Variants in SLC26A6 observed in about 807,000 individuals in gnomAD.
SLC26A6 encodes the protein solute carrier family 26 member 6, also known as anion exchange transporter.
Under a neutral mutation model 87.1 loss-of-function variants are expected in SLC26A6, and 67 were observed. The ratio of observed to expected loss-of-function variants is 0.77; its 90% CI spans 0.63 to 0.94. SLC26A6 has a LOEUF of 0.94. SLC26A6 is among the 40% of genes least tolerant of loss of function. SLC26A6 has a pLI of 0.00. For missense variants in SLC26A6, 902 were observed against 973.0 expected (o/e 0.93, Z 0.97); for synonymous variants, 414 against 405.9 (o/e 1.02, Z -0.24).
intron 14 of SLC26A6, 100 bp downstream of exon 14, chr3:48,629,542 C>T (rs1388047136): frequency 3.0e-6 from 4 of 1,319,422 alleles, no homozygotes; most frequent in Non-Finnish European, 4.2e-6. Context: ...AAAGTATCCT[C>T]AGCCCCCAGT....
chr3:48,635,193 C>T (rs2106683072), intron 1 of SLC26A6, among the ~76,000 whole-genome samples, 178 bp downstream of exon 1: 1 of 152,336 alleles, frequency 6.6e-6, no homozygotes, highest in East Asian at 1.9e-4. Context: ...ACTGGGGTCG[C>T]GCCGGCTCCC....
chr3:48,626,857 G>A lies in SLC26A6; in HGVS notation c.2073+19C>T, dbSNP rs1344087458. On this transcript the variant is annotated intron_variant, in intron 18 of 20. Transcript: ENST00000395550. ...TCAGTGTGGAAGCTCGAGGGGCCTT[G>A]GCCTGCCCCCGTCCTTACATTCTTC... 5 of 1,609,986 alleles carry A rather than the reference G, an allele frequency of 3.1e-6. No homozygotes were observed. The highest frequency in any genetic ancestry group is 4.2e-6 in the Non-Finnish European group (5 of 1,177,964).
At chr3:48,632,721 C>G in intron 4 of SLC26A6, 2 of 681,488 alleles carry the variant, frequency 2.9e-6, no homozygotes, top group Admixed American at 2.1e-5. Flanking sequence ...AGGCCTCTGC[C>G]AAGTTCCAGG....
rs1417838476 is a variant in SLC26A6, at chr3:48,635,430, C to T, written c.-37G>A. On this transcript the variant is annotated 5_prime_UTR_variant, in exon 1 of 21. Transcript: ENST00000395550. ...TGTCCGGTGCGGGCTGCTCCTGCTG[C>T]TCGAGCTAGAGGCCGCTACGCTCCG... 1.9e-6 allele frequency: 3 copies of T among 1,565,870 alleles called. No individual in the cohort carries two copies. Among genetic ancestry groups the T allele is most frequent in the Non-Finnish European group, 2.6e-6 (3 of 1,157,176 alleles).
In SLC26A6 at chr3:48,628,002, C is replaced by A. The variant is rs765705754; in HGVS notation, c.1837G>T (p.Val613Phe). The change falls in exon 17 of 21, where the codon GTC becomes TTC. Residue 613 changes from valine (V) to phenylalanine (F), a missense_variant. Coordinates refer to ENST00000395550, the MANE Select transcript of SLC26A6 (RefSeq NM_022911.3). The surrounding 1 kb of genome is among the most constrained non-coding windows in gnomAD (Gnocchi z 4.4). Reference protein sequence around the residue: ...SPKGASVSINVNTSLEDMRSN... With the variant: ...SPKGASVSINFNTSLEDMRSN... ...CTCATGTCTTCAAGGCTGGTGTTGA[C>A]ATTAATGGAAACTGAGGCGCCCTTG... 1.3e-6 allele frequency: 2 copies of A among 1,592,152 alleles called. No individual in the cohort carries two copies. Among genetic ancestry groups the A allele is most frequent in the Non-Finnish European group, 1.7e-6 (2 of 1,173,254 alleles).
In SLC26A6 at chr3:48,631,042, A is replaced by G. The variant is rs748392303; in HGVS notation, c.1085T>C (p.Leu362Pro). The G allele has an allele frequency of 6.2e-7, 1 of 1,613,838 alleles. No individual in the cohort carries two copies. Among genetic ancestry groups the G allele is most frequent in the Admixed American group, 1.7e-5 (1 of 60,036 alleles). Residue 362 changes from leucine (L) to proline (P), a missense_variant, in exon 9 of 21, where the codon CTG (leucine) becomes CCG (proline). Leu to Pro is a moderately conservative substitution (Grantham distance 98, BLOSUM62 -3). Around this residue, in one of 3 missense-constraint regions of SLC26A6, gnomAD observed 800 missense variants for 856.8 expected, o/e 0.93. Transcript: ENST00000395550. ...AVVGFAIAIS[L>P]GKIFALRHGY... ...GTGCCTCAGGGCGAAGATCTTCCCC[A>G]GTGAGATGGCAATGGCAAACCCAAC...
In SLC26A6 at chr3:48,628,723, G is replaced by A; in HGVS notation, c.1600-9C>T. 6.2e-7 allele frequency: 1 copy of A among 1,612,516 alleles called. No individual in the cohort carries two copies. Among genetic ancestry groups the A allele is most frequent in the Non-Finnish European group, 8.5e-7 (1 of 1,179,424 alleles). ...CCCCGGACTTCCTTGGCCTGGGGAT[G>A]AGGCAGAACTGGTGGTGGCTGAATC... is the stretch of plus-strand genomic sequence containing the variant. On this transcript the variant is annotated splice_polypyrimidine_tract_variant and intron_variant, in intron 14 of 20. Coordinates refer to ENST00000395550, the MANE Select transcript of SLC26A6 (RefSeq NM_022911.3). This position sits in a 1 kb window ranked among gnomAD's most constrained non-coding sequence, Gnocchi z 4.4.
At chr3:48,635,187 G>A (rs966615416) in intron 1 of SLC26A6, among the ~76,000 whole-genome samples, 184 bp downstream of exon 1, 3 of 152,234 alleles carry the variant, frequency 2.0e-5, no homozygotes, top group African/African-American at 7.2e-5. Context: ...CAAGGGACTG[G>A]GGTCGCGCCG....
chr3:48,631,663 C>T lies in SLC26A6; in HGVS notation c.889G>A (p.Gly297Arg), dbSNP rs776821961. ...GGCCCTCGAACCGTGAGCAGCTCCC[C>T]GGGTATCGGCATGGGCAGCTGCTGC... is the stretch of plus-strand genomic sequence containing the variant. ...LQQQLPMPIP[G>R]ELLTLIGATG... is the part of the protein sequence containing the mutation. The change falls in exon 7 of 21, where the codon GGG (glycine) becomes AGG (arginine). Residue 297 changes from glycine to arginine, a missense_variant. By Grantham distance (125) the Gly-to-Arg change is moderately radical. Coordinates refer to ENST00000395550, the MANE Select transcript of SLC26A6 (RefSeq NM_022911.3). 1.6e-5 allele frequency: 26 copies of T among 1,613,046 alleles called. No homozygotes were observed. Among genetic ancestry groups the T allele is most frequent in the Middle Eastern group, 1.6e-4 (1 of 6,084 alleles).
intron 4 of SLC26A6, 149 bp from the exon 5 acceptor site, chr3:48,632,545 C>T: frequency 9.2e-7 from 1 of 1,089,632 alleles, no homozygotes; most frequent in South Asian, 1.3e-5. Flanking sequence ...GCTGGCGGTT[C>T]AGGTTTGGCC....
At position 48,628,174 on chromosome 3, in the gene SLC26A6, C is replaced by G; in HGVS notation, c.1801-136G>C. 1 of 857,434 alleles carries G rather than the reference C, an allele frequency of 1.2e-6. No individual in the cohort carries two copies. Among genetic ancestry groups the G allele is most frequent in the East Asian group, 2.6e-5 (1 of 38,620 alleles). The allele number at this position is 857,434 out of a possible 1,614,324, so 53.1% of individuals were successfully genotyped here. ...CCAGAAGCTGTGGGACCTGCAGCAG[C>G]CAGGCTGAAGCTCCTGGAACAGCCG... On this transcript the variant is annotated intron_variant, in intron 16 of 20. Coordinates refer to ENST00000395550, the MANE Select transcript of SLC26A6 (RefSeq NM_022911.3). The surrounding 1 kb of genome is among the most constrained non-coding windows in gnomAD (Gnocchi z 4.4).
chr3:48,626,059 C>A, intron 20 of SLC26A6, 59 bp from the exon 21 acceptor site: 1 of 1,613,060 alleles, frequency 6.2e-7, no homozygotes, highest in East Asian at 2.2e-5. Context: ...GACCAACCCC[C>A]GCCCCTAGAA....
At chr3:48,626,713 G>A in intron 18 of SLC26A6, 28 bp from the exon 19 acceptor site, 1 of 1,613,788 alleles carries the variant, frequency 6.2e-7, no homozygotes, top group Non-Finnish European at 8.5e-7. Context: ...GCCAGCCTCA[G>A]AGGGAGGCTC....
At chr3:48,626,715 G>A (rs2046633896) in intron 18 of SLC26A6, 30 bp from the exon 19 acceptor site, 1 of 1,613,580 alleles carries the variant, frequency 6.2e-7, no homozygotes, top group South Asian at 1.1e-5. Context: ...CAGCCTCAGA[G>A]GGAGGCTCAG....
chr3:48,634,924 C>A (rs951747491), intron 1 of SLC26A6, among the ~76,000 whole-genome samples: 1 of 152,208 alleles, frequency 6.6e-6, no homozygotes, highest in African/African-American at 2.4e-5. Context: ...GAGGGCGGAG[C>A]CTTGATCATT....
In SLC26A6 at chr3:48,625,901, C is replaced by A; in HGVS notation, c.*85G>T. On this transcript the variant is annotated 3_prime_UTR_variant, in exon 21 of 21. Coordinates refer to ENST00000395550, the MANE Select transcript of SLC26A6 (RefSeq NM_022911.3). The surrounding 1 kb of genome is among the most constrained non-coding windows in gnomAD (Gnocchi z 4.7). ...GTACATGGAGGGGACTCCTGGGTAG[C>A]ACCTGGAGGCGGCCTAGGGGTGAGG... The A allele has an allele frequency of 6.4e-7, 1 of 1,569,246 alleles. No homozygotes were observed. The highest frequency in any genetic ancestry group is 1.7e-5 in the Admixed American group (1 of 57,582).
At chr3:48,632,163 C>T (rs182444124) in intron 5 of SLC26A6, 82 bp downstream of exon 5, 1 of 1,575,586 alleles carries the variant, frequency 6.3e-7, no homozygotes, top group Non-Finnish European at 8.6e-7. Context: ...CGACGATGGT[C>T]AGACACTCAG....
chr3:48,635,297 G>A (rs969726655), intron 1 of SLC26A6, 74 bp downstream of exon 1: 3 of 1,515,638 alleles, frequency 2.0e-6, no homozygotes, highest in Admixed American at 1.9e-5. Context: ...GCTCCAGCGA[G>A]GCGTCGCAAG....
Position 48,631,966 on chromosome 3 carries a change from C to A in SLC26A6, c.664G>T (p.Ala222Ser), listed in dbSNP as rs1453258263. The change falls in exon 6 of 21, where the codon GCA (alanine) becomes TCA (serine). Residue 222 changes from alanine to serine, a missense_variant. Coordinates refer to ENST00000395550, the MANE Select transcript of SLC26A6 (RefSeq NM_022911.3). The part of the protein sequence containing the change: ...EPLVRGYTTA[A>S]AVQVFVSQLK... ...TGTGAGACGAAGACCTGCACAGCTG[C>A]AGCTGTGGTATAGCCTCGGACAAGA... 11 of 1,613,434 alleles carry A rather than the reference C, an allele frequency of 6.8e-6. No individual in the cohort carries two copies. The Admixed American group carries it at 1.8e-4, about 27-fold the overall frequency.
Sources: allele counts gnomAD v4.1 joint callset (sites outside exome capture counted in the v4.1 genomes callset), GRCh38; gene constraint gnomAD v4.1.1; regional missense constraint gnomAD v4.1.1; non-coding constraint Gnocchi (gnomAD v3.1); transcripts MANE v1.5; gene names NCBI Gene and HGNC (gene_info 2026-07-23, HGNC 2026-07-21).